The following AGPS variants were observed in gnomAD, a reference collection of about 807,000 sequenced individuals.
AGPS encodes the protein alkylglycerone phosphate synthase, also known as alkyldihydroxyacetonephosphate synthase, peroxisomal.
In AGPS, 26 loss-of-function variants were observed where a neutral mutation model predicts 90.7. That is an observed-to-expected ratio of 0.29 (90% CI 0.21 to 0.40). AGPS has a LOEUF of 0.40. Ranked by LOEUF, AGPS falls within the 10% of genes least tolerant of loss-of-function variation. The pLI is 1.00. For missense variants in AGPS, 540 were observed against 816.1 expected (o/e 0.66, Z 4.12); for synonymous variants, 294 against 285.3 (o/e 1.03, Z -0.31).
At chr2:177,414,811 G>A (rs1685737206) in intron 1 of AGPS, among the ~76,000 whole-genome samples, 1 of 151,648 alleles carries the variant, frequency 6.6e-6, no homozygotes, top group Admixed American at 6.6e-5. Context: ...CATTTTTAAT[G>A]TATGGTATTT....
At position 177,441,165 on chromosome 2, in the gene AGPS, T is replaced by C. The variant is rs966271526; in HGVS notation, c.709+129T>C. 2.6e-5 allele frequency: 22 copies of C among 848,642 alleles called. No homozygotes were observed. The South Asian group carries it at 3.3e-4, about 13-fold the overall frequency. 52.6% of individuals were successfully genotyped at this position (848,642 alleles called of 1,614,324 possible). A position where few individuals can be genotyped will look rare whatever the true frequency, so the allele number is the denominator to read the frequency against. On this transcript the variant is annotated intron_variant, in intron 6 of 19. Coordinates refer to ENST00000264167, the MANE Select transcript of AGPS (RefSeq NM_003659.4). ...ATTGTGATGTGGTTATTCTCAAAAA[T>C]TGGTCAATGATGCTCATTTTTGTTC...
At chr2:177,459,705 C>T (rs1356477703) in intron 8 of AGPS, among the ~76,000 whole-genome samples, 2 of 151,938 alleles carry the variant, frequency 1.3e-5, no homozygotes, top group Non-Finnish European at 2.9e-5. Flanking sequence ...TAGGAACGCT[C>T]TTATGCTGTT....
chr2:177,482,138 C>T lies in AGPS; in HGVS notation c.1185C>T (p.Phe395=). ...PEYQKYGSVA[F]PNFEQGVACL... Reference sequence around the variant, plus strand: ...ACCAAAAGTATGGCTCAGTAGCTTTCCCTAATTTTGAACAAGGAGTAGCCT... The same window carrying T: ...ACCAAAAGTATGGCTCAGTAGCTTTTCCTAATTTTGAACAAGGAGTAGCCT... Residue 395 remains phenylalanine, a synonymous_variant, in exon 11 of 20, where the codon TTC becomes TTT. Transcript: ENST00000264167. The T allele has an allele frequency of 6.2e-7, 1 of 1,604,032 alleles. No homozygotes were observed. The highest frequency in any genetic ancestry group is 8.5e-7 in the Non-Finnish European group (1 of 1,173,824).
intron 10 of AGPS, among the ~76,000 whole-genome samples, chr2:177,480,742 TAAATTTAA>T (rs1408437287): frequency 6.6e-6 from 1 of 151,628 alleles, no homozygotes; most frequent in Admixed American, 6.6e-5. Flanking sequence ...TATATATATA[TAAATTTAA>T]AAATTTAAAA....
At chr2:177,438,085 G>T (rs1346422798) in intron 5 of AGPS, among the ~76,000 whole-genome samples, 1 of 152,034 alleles carries the variant, frequency 6.6e-6, no homozygotes, top group African/African-American at 2.4e-5. Context: ...GTAGCTTTAG[G>T]TTACTTCTCT....
At chr2:177,527,278 C>T (rs980954912) in intron 19 of AGPS, among the ~76,000 whole-genome samples, 5 of 151,910 alleles carry the variant, frequency 3.3e-5, no homozygotes, top group Admixed American at 3.3e-4. Flanking sequence ...AAATACAAAA[C>T]TTAGCTGGGC....
Position 177,508,027 on chromosome 2 carries a change from G to C in AGPS, c.1603G>C (p.Asp535His). Residue 535 changes from aspartate to histidine, a missense_variant, in exon 16 of 20, where the codon GAC becomes CAC. Physicochemically the swap from Asp to His is moderately conservative, Grantham distance 81. Transcript: ENST00000264167. ...ATCTTTTGAGACTTCTGCTCCTTGG[G>C]ACAGGTAAAATATACTAAAGTGCCT... Reference protein sequence around the residue: ...GESFETSAPWDRVVDLCRNVK... With the variant: ...GESFETSAPWHRVVDLCRNVK... The C allele has an allele frequency of 6.2e-7, 1 of 1,610,256 alleles. No homozygotes were observed. The highest frequency in any genetic ancestry group is 8.5e-7 in the Non-Finnish European group (1 of 1,176,668).
chr2:177,484,249 G>A (rs1688029052), intron 11 of AGPS, among the ~76,000 whole-genome samples: 1 of 151,928 alleles, frequency 6.6e-6, no homozygotes, highest in African/African-American at 2.4e-5. Flanking sequence ...ATTTGTGTAA[G>A]GATGAAGGAA....
chr2:177,401,016 T>G (rs745736425), intron 1 of AGPS, among the ~76,000 whole-genome samples: 2 of 152,266 alleles, frequency 1.3e-5, no homozygotes, highest in Non-Finnish European at 2.9e-5. Flanking sequence ...GATATTTTGC[T>G]GTCAACTCAA....
At chr2:177,496,974 T>C (rs1688431332) in intron 12 of AGPS, among the ~76,000 whole-genome samples, 1 of 152,104 alleles carries the variant, frequency 6.6e-6, no homozygotes, top group African/African-American at 2.4e-5. Context: ...TTTTTCTGAA[T>C]TGGGCTGCTA....
At chr2:177,441,285 G>T in intron 6 of AGPS, 1 of 423,032 alleles carries the variant, frequency 2.4e-6, no homozygotes, top group East Asian at 4.4e-5. Context: ...TTTAATGCCT[G>T]AATAACAAAA....
intron 2 of AGPS, among the ~76,000 whole-genome samples, chr2:177,421,040 G>T (rs1233984063): frequency 1.3e-5 from 2 of 151,898 alleles, no homozygotes; most frequent in Non-Finnish European, 2.9e-5. Flanking sequence ...ATATTAAAAA[G>T]AATTCTAAAG....
At chr2:177,521,240 C>G in intron 17 of AGPS, 29 bp from the exon 18 acceptor site, 1 of 1,577,010 alleles carries the variant, frequency 6.3e-7, no homozygotes, top group South Asian at 1.1e-5. Context: ...TAACTTAAAG[C>G]CCCTGTGGGG....
chr2:177,428,237 G>A (rs974257290), intron 2 of AGPS, among the ~76,000 whole-genome samples: 1 of 152,042 alleles, frequency 6.6e-6, no homozygotes. Flanking sequence ...TTTTACATGG[G>A]TCTCTTGACA....
At chr2:177,506,511 C>A (rs1236545461) in intron 15 of AGPS, among the ~76,000 whole-genome samples, 2 of 151,842 alleles carry the variant, frequency 1.3e-5, no homozygotes, top group East Asian at 3.8e-4. Context: ...ACCTTATACA[C>A]AACAATTGTT....
At chr2:177,393,588 C>G (rs1001250398) in intron 1 of AGPS, 2 of 984,618 alleles carry the variant, frequency 2.0e-6, no homozygotes, top group South Asian at 4.7e-5. Flanking sequence ...GGGAGGAAAC[C>G]GATGAATGGT....
In AGPS at chr2:177,393,679, A is replaced by G. The variant is rs545868781; in HGVS notation, c.260+630A>G. 6.7e-6 allele frequency: 4 copies of G among 600,916 alleles called. No individual in the cohort carries two copies. The East Asian group carries it at 4.3e-4, about 64-fold the overall frequency. The allele number at this position is 600,916 out of a possible 1,614,324, so 37.2% of individuals were successfully genotyped here. ...ACTGAGCTCTGTGTAACCAGAAGCTAAAAGACAAGAGTCTAACCGATGAGG... is the reference window on the plus strand; with the variant it reads ...ACTGAGCTCTGTGTAACCAGAAGCTGAAAGACAAGAGTCTAACCGATGAGG... On this transcript the variant is annotated intron_variant, in intron 1 of 19. Transcript: ENST00000264167.
intron 10 of AGPS, among the ~76,000 whole-genome samples, chr2:177,479,532 C>G (rs1236125403): frequency 6.6e-6 from 1 of 152,130 alleles, no homozygotes; most frequent in Non-Finnish European, 1.5e-5. Context: ...TGTTCATCAA[C>G]TGATGAGCAG....
intron 19 of AGPS, among the ~76,000 whole-genome samples, chr2:177,535,941 A>G (rs115591180): frequency 2.5e-4 from 38 of 151,764 alleles, no homozygotes; most frequent in Admixed American, 9.9e-4. Flanking sequence ...AATCAAATGT[A>G]TATTAGATTG....
Sources: gnomAD v4.1 joint callset for allele counts (sites outside exome capture counted in the v4.1 genomes callset) on GRCh38, gnomAD v4.1.1 for gene constraint, MANE v1.5 for transcripts, NCBI Gene and HGNC (gene_info 2026-07-23, HGNC 2026-07-21) for gene names.